Variants in FUT9 observed in about 807,000 individuals in gnomAD.
The protein encoded by FUT9 is 4-galactosyl-N-acetylglucosaminide 3-alpha-L-fucosyltransferase 9.
A neutral mutation model predicts 29.7 loss-of-function variants in FUT9; 15 were observed. That is an observed-to-expected ratio of 0.51 (90% confidence interval 0.34 to 0.78). The LOEUF (loss-of-function observed/expected upper bound fraction) is 0.78. Ranked by LOEUF, FUT9 falls within the 30% of genes least tolerant of loss-of-function variation. The probability of loss-of-function intolerance (pLI) is 0.01; values close to 1 mark genes in which losing one functional copy is unlikely to be tolerated. For missense variants in FUT9, 319 were observed against 425.4 expected, an observed-to-expected ratio of 0.75 and a Z score of 2.20; for synonymous variants, 169 against 153.7, an observed-to-expected ratio of 1.10 and a Z score of -0.74.
At chr6:96,152,673 A>G (rs558733837) in intron 2 of FUT9, among the ~76,000 whole-genome samples, 70 of 152,322 alleles carry the variant, frequency 4.6e-4, no homozygotes, top group African/African-American at 1.7e-3. Context: ...GTGCCTGTCT[A>G]CTTAGGGTCA....
chr6:96,045,700 TG>T (rs1450925445), intron 1 of FUT9, among the ~76,000 whole-genome samples: 4 of 152,080 alleles, frequency 2.6e-5, no homozygotes, highest in African/African-American at 9.7e-5. Flanking sequence ...GGTGCTTGGA[TG>T]GGAAAAGCTG....
At chr6:96,189,654 T>A (rs1431091330) in intron 2 of FUT9, among the ~76,000 whole-genome samples, 1 of 152,132 alleles carries the variant, frequency 6.6e-6, no homozygotes, top group Non-Finnish European at 1.5e-5. Flanking sequence ...CCTTTACCAT[T>A]ATATAATGGC....
chr6:96,021,269 G>C (rs191666213), intron 1 of FUT9, among the ~76,000 whole-genome samples: 1 of 151,726 alleles, frequency 6.6e-6, no homozygotes, highest in Non-Finnish European at 1.5e-5. Context: ...AGAGTTTTTT[G>C]TTGTTGTTGT....
At chr6:96,150,827 A>G (rs999276308) in intron 2 of FUT9, among the ~76,000 whole-genome samples, 6 of 152,182 alleles carry the variant, frequency 3.9e-5, no homozygotes, top group Non-Finnish European at 8.8e-5. Context: ...AATAATTATA[A>G]TGAAAGGTTT....
Position 96,203,454 on chromosome 6 carries a change from A to G in FUT9, c.299A>G (p.Tyr100Cys). The change falls in exon 3 of 3, where the codon TAC becomes TGC. Residue 100 changes from tyrosine (Y) to cysteine (C), a missense_variant. Coordinates refer to ENST00000302103, the MANE Select transcript of FUT9 (RefSeq NM_006581.4). Reference protein sequence around the residue: ...GCHLTTDRSLYNKSHAVLIHH... With the variant: ...GCHLTTDRSLCNKSHAVLIHH... ...CATCTCACAACGGACCGTTCACTGTACAACAAATCCCATGCAGTTCTGATC... is the reference window on the plus strand; with the variant it reads ...CATCTCACAACGGACCGTTCACTGTGCAACAAATCCCATGCAGTTCTGATC... 4 of 1,608,506 alleles carry G rather than the reference A, an allele frequency of 2.5e-6. No individual in the cohort carries two copies. Among genetic ancestry groups the G allele is most frequent in the Non-Finnish European group, 3.4e-6 (4 of 1,176,884 alleles).
chr6:96,159,842 T>A (rs1377543385), intron 2 of FUT9, among the ~76,000 whole-genome samples: 1 of 152,216 alleles, frequency 6.6e-6, no homozygotes, highest in South Asian at 2.1e-4. Context: ...ACTGTCTTGA[T>A]AAACTGCATC....
At chr6:96,037,152 T>A (rs1487895388) in intron 1 of FUT9, 1 of 151,998 alleles carries the variant, frequency 6.6e-6, no homozygotes, top group Non-Finnish European at 1.5e-5. Flanking sequence ...CATTTTTTTA[T>A]TTTCTGGAGA....
intron 2 of FUT9, among the ~76,000 whole-genome samples, chr6:96,175,424 G>A (rs1207930971): frequency 1.3e-5 from 2 of 152,108 alleles, no homozygotes; most frequent in Non-Finnish European, 2.9e-5. Flanking sequence ...AAATGTGTAA[G>A]CTATATGGTC....
At chr6:96,171,542 C>T (rs1030516310) in intron 2 of FUT9, among the ~76,000 whole-genome samples, 2 of 152,176 alleles carry the variant, frequency 1.3e-5, no homozygotes, top group African/African-American at 4.8e-5. Context: ...GTAATCTAGA[C>T]TCCTTCAAGC....
intron 1 of FUT9, among the ~76,000 whole-genome samples, chr6:96,041,123 C>T (rs1770452295): frequency 6.6e-6 from 1 of 151,580 alleles, no homozygotes; most frequent in Non-Finnish European, 1.5e-5. Context: ...ACCCATCTTG[C>T]AAAACACGAC....
At chr6:96,075,997 G>T (rs1771137187) in intron 1 of FUT9, among the ~76,000 whole-genome samples, 1 of 152,008 alleles carries the variant, frequency 6.6e-6, no homozygotes, top group South Asian at 2.1e-4. Context: ...AAGCTGCATT[G>T]TCCAGACTAT....
At chr6:96,023,342 A>T (rs1326364528) in intron 1 of FUT9, among the ~76,000 whole-genome samples, 2 of 151,934 alleles carry the variant, frequency 1.3e-5, no homozygotes, top group Non-Finnish European at 2.9e-5. Context: ...TGGTTGATAG[A>T]AGTGTGATAA....
intron 2 of FUT9, among the ~76,000 whole-genome samples, chr6:96,198,517 T>C (rs1368585173): frequency 2.0e-5 from 3 of 152,078 alleles, no homozygotes; most frequent in African/African-American, 7.2e-5. Flanking sequence ...CAGTCTATCA[T>C]TGTTGGACAT....
At chr6:96,113,543 A>G (rs1771850475) in intron 1 of FUT9, among the ~76,000 whole-genome samples, 1 of 151,436 alleles carries the variant, frequency 6.6e-6, no homozygotes, top group South Asian at 2.1e-4. Context: ...CCGACCATCA[A>G]TAACATTTTT....
intron 1 of FUT9, among the ~76,000 whole-genome samples, chr6:96,108,898 A>G (rs895058929): frequency 6.6e-6 from 1 of 152,138 alleles, no homozygotes; most frequent in South Asian, 2.1e-4. Flanking sequence ...CCACTTCTAG[A>G]TTGTGAAGAT....
intron 2 of FUT9, among the ~76,000 whole-genome samples, chr6:96,126,986 T>A (rs1772145348): frequency 6.6e-6 from 1 of 152,250 alleles, no homozygotes; most frequent in Non-Finnish European, 1.5e-5. Context: ...GGTTTCAGGT[T>A]ATTATTTGTC....
intron 2 of FUT9, among the ~76,000 whole-genome samples, chr6:96,164,345 GCCT>G (rs1295819195): frequency 7.5e-6 from 1 of 134,084 alleles, no homozygotes; most frequent in African/African-American, 2.8e-5. Context: ...TGCAACCTCC[GCCT>G]CCTGGGTTCA....
chr6:96,054,275 A>C (rs1314427916), intron 1 of FUT9, among the ~76,000 whole-genome samples: 1 of 152,198 alleles, frequency 6.6e-6, no homozygotes, highest in Non-Finnish European at 1.5e-5. Context: ...CAAAAATGAA[A>C]GAGATAGATA....
At chr6:96,165,114 A>C (rs1406617366) in intron 2 of FUT9, among the ~76,000 whole-genome samples, 2 of 152,202 alleles carry the variant, frequency 1.3e-5, no homozygotes, top group Admixed American at 1.3e-4. Context: ...TGATGAGAGA[A>C]AATTCACAAT....
Sources: allele counts gnomAD v4.1 joint callset (sites outside exome capture counted in the v4.1 genomes callset), GRCh38; gene constraint gnomAD v4.1.1; transcripts MANE v1.5; gene names NCBI Gene and HGNC (gene_info 2026-07-23, HGNC 2026-07-21).